Variants in FGF2 observed in about 807,000 individuals in gnomAD.
FGF2 encodes basic fibroblast growth factor bFGF.
Under a neutral mutation model 15.9 loss-of-function variants are expected in FGF2, and 13 were observed. That is an observed-to-expected ratio of 0.82 (90% CI 0.53 to 1.30). The LOEUF (loss-of-function observed/expected upper bound fraction) is 1.30, where lower values mean the gene tolerates loss of function less well. Ranked by LOEUF, FGF2 falls within the 50% of genes most tolerant of loss-of-function variation. FGF2 has a pLI of 0.00. For missense variants in FGF2, 163 were observed against 196.9 expected, an observed-to-expected ratio of 0.83 and a Z score of 1.03; for synonymous variants, 90 against 78.4, an observed-to-expected ratio of 1.15 and a Z score of -0.78.
At chr4:122,841,845 C>A (rs1272786885) in intron 1 of FGF2, among the ~76,000 whole-genome samples, 1 of 152,164 alleles carries the variant, frequency 6.6e-6, no homozygotes, top group Non-Finnish European at 1.5e-5. Context: ...GAAGATACTG[C>A]AGGAAGTTAC....
At chr4:122,828,356 T>C (rs543844529) in intron 1 of FGF2, among the ~76,000 whole-genome samples, 54 of 152,316 alleles carry the variant, frequency 3.5e-4, no homozygotes, top group African/African-American at 1.2e-3. Context: ...TGATGGAATT[T>C]GAAGTGAGAG....
rs1005973997 is a variant in FGF2 at position 122,893,100 on chromosome 4, A to G, written c.*704A>G. ...GTGAATGAATATGGCTTTAGGCGGC[A>G]GATGATATACATATCTGACTTCCCA... On this transcript the variant is annotated 3_prime_UTR_variant, in exon 3 of 3. Coordinates refer to ENST00000644866, the MANE Select transcript of FGF2 (RefSeq NM_001361665.2). 1.2e-6 allele frequency: 2 copies of G among 1,614,078 alleles called. No individual in the cohort carries two copies. Among genetic ancestry groups the G allele is most frequent in the Non-Finnish European group, 1.7e-6 (2 of 1,180,038 alleles).
At chr4:122,854,393 C>T (rs1726295360) in intron 1 of FGF2, among the ~76,000 whole-genome samples, 1 of 152,166 alleles carries the variant, frequency 6.6e-6, no homozygotes, top group Non-Finnish European at 1.5e-5. Context: ...GGAGAAGAGT[C>T]TCCCGCACCT....
chr4:122,845,509 G>A (rs1726091816), intron 1 of FGF2, among the ~76,000 whole-genome samples: 1 of 152,216 alleles, frequency 6.6e-6, no homozygotes, highest in Non-Finnish European at 1.5e-5. Flanking sequence ...TTGAAAATCT[G>A]TTGTTAGTGT....
chr4:122,831,362 G>A (rs779729501), intron 1 of FGF2, among the ~76,000 whole-genome samples: 4 of 151,974 alleles, frequency 2.6e-5, no homozygotes, highest in African/African-American at 4.8e-5. Context: ...ACTAGTTTAC[G>A]GGTGCCTCAG....
At position 122,892,327 on chromosome 4, in the gene FGF2, T is replaced by A; in HGVS notation, c.399T>A (p.Tyr133Ter). ...WYVALKRTGQ[Y>*]KLGSKTGPGQ... ...TGGCACTGAAACGAACTGGGCAGTA[T>A]AAACTTGGATCCAAAACAGGACCTG... The change falls in exon 3 of 3, where the codon TAT becomes TAA. Residue 133 changes from tyrosine to a stop codon, truncating the protein, a stop_gained. Transcript: ENST00000644866. LOFTEE classifies it high-confidence loss of function. 1 of 1,614,148 alleles carries A rather than the reference T, an allele frequency of 6.2e-7. No individual in the cohort carries two copies. The highest frequency in any genetic ancestry group is 8.5e-7 in the Non-Finnish European group (1 of 1,180,010).
chr4:122,892,333 T>G lies in FGF2; in HGVS notation c.405T>G (p.Leu135=). ...TGAAACGAACTGGGCAGTATAAACT[T>G]GGATCCAAAACAGGACCTGGGCAGA... ...VALKRTGQYK[L]GSKTGPGQKA... Residue 135 remains leucine (L), a synonymous_variant, in exon 3 of 3, where the codon CTT becomes CTG. Transcript: ENST00000644866. 1 of 1,614,184 alleles carries G rather than the reference T, an allele frequency of 6.2e-7. No homozygotes were observed. Among genetic ancestry groups the G allele is most frequent in the Non-Finnish European group, 8.5e-7 (1 of 1,180,002 alleles).
At chr4:122,876,299 A>C (rs1336625196) in intron 1 of FGF2, 22 bp from the exon 2 acceptor site, 1 of 1,428,426 alleles carries the variant, frequency 7.0e-7, no homozygotes, top group Admixed American at 1.7e-5. Flanking sequence ...TGCTACAAAG[A>C]TAATTTTTTT....
chr4:122,849,279 G>T (rs1474466539), intron 1 of FGF2, among the ~76,000 whole-genome samples: 1 of 152,150 alleles, frequency 6.6e-6, no homozygotes, highest in Non-Finnish European at 1.5e-5. Flanking sequence ...GCCACAAAAA[G>T]GATGAGTTCA....
At chr4:122,885,913 C>CTTTTTTTTTTTTTTTTTT (rs11310783) in intron 2 of FGF2, among the ~76,000 whole-genome samples, 2 of 84,528 alleles carry the variant, frequency 2.4e-5, no homozygotes, top group Non-Finnish European at 4.3e-5. Context: ...TTTTTTTTTC[C>CTTTTTTTTTTTTTTTTTT]TTTTTTTTTT....
At chr4:122,826,798 A>C, upstream of FGF2, 1 of 1,427,604 alleles carries the variant, frequency 7.0e-7, no homozygotes, top group Non-Finnish European at 9.3e-7. Flanking sequence ...GGGGGTGGAG[A>C]TGTAGAAGAT....
At chr4:122,837,512 C>T (rs1332051215) in intron 1 of FGF2, among the ~76,000 whole-genome samples, 1 of 152,188 alleles carries the variant, frequency 6.6e-6, no homozygotes, top group Non-Finnish European at 1.5e-5. Flanking sequence ...ATACTTGCTG[C>T]ATGTCTTCAT....
chr4:122,845,564 G>A (rs1161402007), intron 1 of FGF2, among the ~76,000 whole-genome samples: 1 of 152,188 alleles, frequency 6.6e-6, no homozygotes, highest in African/African-American at 2.4e-5. Flanking sequence ...TAGATAACTT[G>A]CGCTAGCTTC....
At chr4:122,866,378 A>T (rs183000882) in intron 1 of FGF2, among the ~76,000 whole-genome samples, 1,872 of 151,624 alleles carry the variant, frequency 0.012, 42 homozygotes, top group African/African-American at 0.041. Context: ...AAAAAAAAAA[A>T]AAATAAATAA....
chr4:122,854,372 A>G (rs1471100941), intron 1 of FGF2, among the ~76,000 whole-genome samples: 1 of 152,226 alleles, frequency 6.6e-6, no homozygotes, highest in African/African-American at 2.4e-5. Flanking sequence ...AGGAAATGGT[A>G]AACATTTTTT....
chr4:122,839,268 T>C (rs571774942), intron 1 of FGF2, among the ~76,000 whole-genome samples: 2 of 152,310 alleles, frequency 1.3e-5, no homozygotes, highest in South Asian at 4.1e-4. Context: ...GGGACCACTG[T>C]CATAAAGATA....
intron 1 of FGF2, among the ~76,000 whole-genome samples, chr4:122,832,817 G>GT (rs1360542183): frequency 3.9e-5 from 6 of 152,190 alleles, no homozygotes; most frequent in African/African-American, 1.4e-4. Flanking sequence ...TGTATCCACT[G>GT]TTCAGTTAGC....
chr4:122,828,834 C>T (rs377248302), intron 1 of FGF2, among the ~76,000 whole-genome samples: 1 of 152,020 alleles, frequency 6.6e-6, no homozygotes, highest in South Asian at 2.1e-4. Flanking sequence ...GTAACTTGAA[C>T]TCATCTATTT....
At chr4:122,857,226 G>A (rs1457265948) in intron 1 of FGF2, among the ~76,000 whole-genome samples, 1 of 152,014 alleles carries the variant, frequency 6.6e-6, no homozygotes, top group African/African-American at 2.4e-5. Flanking sequence ...TAGCCTTTCC[G>A]TGATGCTCAG....
Sources: gnomAD v4.1 joint callset for allele counts (sites outside exome capture counted in the v4.1 genomes callset) on GRCh38, gnomAD v4.1.1 for gene constraint, MANE v1.5 for transcripts, NCBI Gene and HGNC (gene_info 2026-07-23, HGNC 2026-07-21) for gene names.